The following TRAPPC9 variants were observed in gnomAD, a reference collection of about 807,000 sequenced individuals.
TRAPPC9 encodes trafficking protein particle complex subunit 9.
In TRAPPC9, 83 loss-of-function variants were observed where a neutral mutation model predicts 124.0. The observed-to-expected ratio is 0.67, with a 90% CI of 0.56 to 0.80. The LOEUF (loss-of-function observed/expected upper bound fraction) is 0.80. Among genes scored for constraint, TRAPPC9 ranks in the 30% least tolerant of loss-of-function variants. TRAPPC9 has a pLI of 0.00. For synonymous variants in TRAPPC9, 638 were observed against 617.5 expected (o/e 1.03, Z -0.49); for missense variants, 1,302 against 1,508.3 (o/e 0.86, Z 2.27).
intron 15 of TRAPPC9, among the ~76,000 whole-genome samples, chr8:140,272,130 C>CAATGATGATGGTGGCGATGGTGGTGGT (rs1450234909): frequency 3.0e-5 from 3 of 100,458 alleles, no homozygotes; most frequent in South Asian, 6.7e-4. Context: ...GTGATGGTGG[C>CAATGATGATGGTGGCGATGGTGGTGGT]GATGGTGATG....
At chr8:140,277,670 C>T (rs144861048) in intron 14 of TRAPPC9, among the ~76,000 whole-genome samples, 1 of 152,218 alleles carries the variant, frequency 6.6e-6, no homozygotes, top group East Asian at 1.9e-4. Context: ...CGGGCTGGCA[C>T]TGAAAAGGAG....
intron 20 of TRAPPC9, among the ~76,000 whole-genome samples, chr8:139,908,938 A>G (rs1415478999): frequency 1.3e-5 from 2 of 152,208 alleles, no homozygotes; most frequent in African/African-American, 4.8e-5. Context: ...TGAGTCCCCA[A>G]GCACTCTATT....
intron 11 of TRAPPC9, among the ~76,000 whole-genome samples, chr8:140,294,871 C>T (rs2065762544): frequency 6.6e-6 from 1 of 152,116 alleles, no homozygotes; most frequent in African/African-American, 2.4e-5. Flanking sequence ...CTTGGCCTCC[C>T]AGAGTACTAG....
chr8:139,822,629 G>GC (rs886179234), intron 21 of TRAPPC9, among the ~76,000 whole-genome samples: 5 of 152,254 alleles, frequency 3.3e-5, no homozygotes, highest in Admixed American at 1.3e-4. Flanking sequence ...GATGGCGGGG[G>GC]GGGGCTGCCT....
chr8:140,361,311 A>G (rs924102911), intron 8 of TRAPPC9, among the ~76,000 whole-genome samples: 15 of 152,324 alleles, frequency 9.8e-5, no homozygotes, highest in African/African-American at 2.6e-4. Context: ...CCTGGGAAAC[A>G]GCATGCTGGT....
intron 21 of TRAPPC9, among the ~76,000 whole-genome samples, chr8:139,756,004 T>G (rs1586773797): frequency 8.6e-6 from 1 of 115,828 alleles, no homozygotes; most frequent in South Asian, 3.1e-4. Context: ...AGCCAGGGTT[T>G]GGGGATGAGG....
chr8:140,019,540 G>GTTT (rs1454705799), intron 18 of TRAPPC9, among the ~76,000 whole-genome samples: 2 of 73,268 alleles, frequency 2.7e-5, no homozygotes, highest in African/African-American at 1.2e-4. Flanking sequence ...AGTAATTTGT[G>GTTT]TCTTTTTTTT....
intron 19 of TRAPPC9, among the ~76,000 whole-genome samples, chr8:139,949,949 G>T (rs1440929658): frequency 6.6e-6 from 1 of 152,208 alleles, no homozygotes; most frequent in Non-Finnish European, 1.5e-5. Flanking sequence ...AAAAGAAACT[G>T]TTATTGATTA....
chr8:140,455,609 T>G (rs1373142387), intron 1 of TRAPPC9, among the ~76,000 whole-genome samples: 2 of 151,528 alleles, frequency 1.3e-5, no homozygotes, highest in African/African-American at 4.9e-5. Flanking sequence ...TTTTGTATTT[T>G]TAGTAGAGAG....
At chr8:139,931,797 G>A (rs145529353) in intron 19 of TRAPPC9, 54 of 172,814 alleles carry the variant, frequency 3.1e-4, no homozygotes, top group African/African-American at 9.6e-4. Context: ...AGTGCCATGC[G>A]GTAGAAGAGG....
chr8:140,299,647 A>G (rs529551080), intron 11 of TRAPPC9, among the ~76,000 whole-genome samples: 2 of 152,354 alleles, frequency 1.3e-5, no homozygotes, highest in Non-Finnish European at 1.5e-5. Flanking sequence ...TGGCAGTCAC[A>G]ATCTCCTGCA....
intron 21 of TRAPPC9, among the ~76,000 whole-genome samples, chr8:139,782,736 C>T (rs1821923167): frequency 2.0e-5 from 3 of 152,146 alleles, no homozygotes; most frequent in Admixed American, 2.0e-4. Context: ...ACAGAACATC[C>T]TGCTTGAAAA....
At chr8:140,225,235 A>G (rs1049000899) in intron 16 of TRAPPC9, among the ~76,000 whole-genome samples, 18 of 152,210 alleles carry the variant, frequency 1.2e-4, no homozygotes, top group African/African-American at 4.1e-4. Context: ...TGCCCCTCAT[A>G]GTAGCTGATG....
intron 21 of TRAPPC9, among the ~76,000 whole-genome samples, chr8:139,823,464 C>T (rs1825394904): frequency 6.6e-6 from 1 of 152,170 alleles, no homozygotes; most frequent in Non-Finnish European, 1.5e-5. Context: ...AAACATGCCA[C>T]AAAGAGCTTG....
At chr8:140,264,171 G>A (rs1177643180) in intron 15 of TRAPPC9, among the ~76,000 whole-genome samples, 1 of 152,240 alleles carries the variant, frequency 6.6e-6, no homozygotes, top group African/African-American at 2.4e-5. Flanking sequence ...AGGGTGGGTA[G>A]CTCTCATATG....
Position 140,215,602 on chromosome 8 carries a change from C to T in TRAPPC9, c.2556+5857G>A, listed in dbSNP as rs562796132. On this transcript the variant is annotated intron_variant, in intron 17 of 22. Transcript: ENST00000438773. ...CAGAGGTTGCAGTGAGCCAAGATCA[C>T]GCCACTGCTCTCCAGCCTGAGCGAC... Among the ~76,000 whole-genome samples, 17 of 151,368 alleles carry T rather than the reference C, an allele frequency of 1.1e-4. No individual in the cohort carries two copies. The East Asian group carries it at 1.8e-3, about 16-fold the overall frequency.
At chr8:139,914,556 G>A (rs905170468) in intron 19 of TRAPPC9, among the ~76,000 whole-genome samples, 4 of 152,154 alleles carry the variant, frequency 2.6e-5, no homozygotes, top group African/African-American at 4.8e-5. Context: ...ACTTTGGGGC[G>A]AGGCCTGACA....
At position 140,451,275 on chromosome 8, in the gene TRAPPC9, C is replaced by A. The variant is rs1396906994; in HGVS notation, c.99G>T (p.Arg33Ser). The A allele has an allele frequency of 2.5e-6, 4 of 1,612,544 alleles. No individual in the cohort carries two copies. The highest frequency in any genetic ancestry group is 3.4e-6 in the Non-Finnish European group (4 of 1,180,028). ...TCACAGAGCAAATCCTCTTATAGAT[C>A]CTGAAGAAGTTCTCCTCGGAGACGA... ...VGIVSEENFFRIYKRICSVSQ... is the reference protein window; with the variant it reads ...VGIVSEENFFSIYKRICSVSQ... Residue 33 changes from arginine (R) to serine (S), a missense_variant, in exon 2 of 23, where the codon AGG (arginine) becomes AGT (serine). Around this residue, in one of 3 missense-constraint regions of TRAPPC9, gnomAD observed 657 missense variants for 811.2 expected, o/e 0.81. Transcript: ENST00000438773.
intron 19 of TRAPPC9, among the ~76,000 whole-genome samples, chr8:139,915,291 G>C (rs1016573609): frequency 6.6e-6 from 1 of 152,180 alleles, no homozygotes; most frequent in African/African-American, 2.4e-5. Flanking sequence ...CTGTTGGCCA[G>C]GCTGGAGTAC....
Sources: allele counts gnomAD v4.1 joint callset (sites outside exome capture counted in the v4.1 genomes callset), GRCh38; gene constraint gnomAD v4.1.1; regional missense constraint gnomAD v4.1.1; transcripts MANE v1.5; gene names NCBI Gene and HGNC (gene_info 2026-07-23, HGNC 2026-07-21).